FSTL1: variants seen among roughly 807,000 people sequenced by gnomAD.
FSTL1 encodes the protein follistatin like 1.
FSTL1 carries 24 observed loss-of-function variants against 45.9 expected under a neutral mutation model. The ratio of observed to expected loss-of-function variants is 0.52; its 90% CI spans 0.38 to 0.74. FSTL1 has a LOEUF of 0.74. Among genes scored for constraint, FSTL1 ranks in the 30% least tolerant of loss-of-function variants. The pLI, the probability that FSTL1 is intolerant of heterozygous loss-of-function variation, is 0.00. For missense variants in FSTL1, 340 were observed against 381.8 expected, an observed-to-expected ratio of 0.89 and a Z score of 0.91; for synonymous variants, 120 against 137.6, an observed-to-expected ratio of 0.87 and a Z score of 0.89.
At position 120,395,850 on chromosome 3, in the gene FSTL1, C is replaced by A. The variant is rs891680478; in HGVS notation, c.*1102G>T. ...GGGCCAACTCACCCTCCTAGTTAGT[C>A]GAATGAGCATATTGGTAGGCTGGGA... On this transcript the variant is annotated 3_prime_UTR_variant, in exon 11 of 11. Coordinates refer to ENST00000295633, the MANE Select transcript of FSTL1 (RefSeq NM_007085.5). 2.5e-6 allele frequency: 1 copy of A among 404,312 alleles called. No individual in the cohort carries two copies. Among genetic ancestry groups the A allele is most frequent in the South Asian group, 1.9e-5 (1 of 51,822 alleles). The allele number at this position is 404,312 out of a possible 1,614,324, so 25.0% of individuals were successfully genotyped here. A position where few individuals can be genotyped will look rare whatever the true frequency, so the allele number is the denominator to read the frequency against.
intron 6 of FSTL1, among the ~76,000 whole-genome samples, chr3:120,405,734 C>T (rs1018943991): frequency 2.0e-5 from 3 of 152,248 alleles, no homozygotes; most frequent in Non-Finnish European, 4.4e-5. Context: ...AGTAAGCTCA[C>T]ACACTGTTCT....
At chr3:120,433,199 G>GAA (rs1426558998) in intron 2 of FSTL1, among the ~76,000 whole-genome samples, 1 of 152,146 alleles carries the variant, frequency 6.6e-6, no homozygotes, top group African/African-American at 2.4e-5. Flanking sequence ...ATCATGGAAG[G>GAA]AAACAATAAA....
intron 6 of FSTL1, among the ~76,000 whole-genome samples, chr3:120,408,620 T>TG (rs1936991995): frequency 6.6e-6 from 1 of 152,138 alleles, no homozygotes; most frequent in African/African-American, 2.4e-5. Context: ...AGTAGATGGC[T>TG]GGGGCATCTA....
chr3:120,404,587 C>T (rs563812267), intron 7 of FSTL1, among the ~76,000 whole-genome samples: 211 of 152,372 alleles, frequency 1.4e-3, no homozygotes, highest in African/African-American at 5.0e-3. Flanking sequence ...CTTGCTCTGA[C>T]GTGCCCTTGG....
In FSTL1 at chr3:120,395,633, G is replaced by A. The variant is rs1386302567; in HGVS notation, c.*1319C>T. 3.8e-6 allele frequency: 2 copies of A among 531,336 alleles called. No individual in the cohort carries two copies. Among genetic ancestry groups the A allele is most frequent in the South Asian group, 2.8e-5 (2 of 70,896 alleles). 32.9% of individuals were successfully genotyped at this position (531,336 alleles called of 1,614,324 possible). The stretch of plus-strand genomic sequence containing the variant: ...GATCAAATCTGGTCATCTTGTTTTT[G>A]GCCATCTGACATTTCTTGTTCTAGT... On this transcript the variant is annotated 3_prime_UTR_variant, in exon 11 of 11. Transcript: ENST00000295633.
At chr3:120,409,788 T>C (rs138797973) in intron 5 of FSTL1, 126 bp from the exon 6 acceptor site, 14 of 766,802 alleles carry the variant, frequency 1.8e-5, no homozygotes, top group Admixed American at 4.8e-5. Flanking sequence ...CACAGGGAGA[T>C]AGGATTAGCA....
chr3:120,444,606 G>A (rs1426440848), intron 2 of FSTL1, among the ~76,000 whole-genome samples: 4 of 149,498 alleles, frequency 2.7e-5, no homozygotes, highest in Admixed American at 6.6e-5. Context: ...CTTTTTTCGA[G>A]AGGAATTTTC....
chr3:120,409,422 T>C (rs1408828168), intron 6 of FSTL1, 110 bp downstream of exon 6: 1 of 958,126 alleles, frequency 1.0e-6, no homozygotes, highest in Non-Finnish European at 1.6e-6. Flanking sequence ...ACTCAGGGTG[T>C]CTGTGCAGGT....
At chr3:120,423,610 G>A (rs1195770860) in intron 2 of FSTL1, 2 of 152,102 alleles carry the variant, frequency 1.3e-5, no homozygotes, top group Non-Finnish European at 2.9e-5. Flanking sequence ...CGGTACTTGA[G>A]AGAGGTGCTT....
intron 2 of FSTL1, among the ~76,000 whole-genome samples, chr3:120,436,851 G>A (rs956390804): frequency 3.3e-5 from 5 of 152,122 alleles, no homozygotes; most frequent in African/African-American, 1.2e-4. Flanking sequence ...GCGAAGCTGC[G>A]TGCTCCGAGT....
chr3:120,447,863 C>T (rs958758404), intron 2 of FSTL1, among the ~76,000 whole-genome samples: 2 of 152,204 alleles, frequency 1.3e-5, no homozygotes, highest in African/African-American at 4.8e-5. Context: ...GTTGCCCAGG[C>T]TGGTCTCAAA....
intron 3 of FSTL1, among the ~76,000 whole-genome samples, chr3:120,412,838 G>GCA (rs71156798): frequency 0.064 from 6,732 of 105,744 alleles, 243 homozygotes; most frequent in Middle Eastern, 0.1. Context: ...GCGCGCGCGC[G>GCA]CACACACACA....
chr3:120,432,388 A>G (rs1937493347), intron 2 of FSTL1, among the ~76,000 whole-genome samples: 1 of 152,172 alleles, frequency 6.6e-6, no homozygotes, highest in African/African-American at 2.4e-5. Flanking sequence ...CTGGCCAATC[A>G]GGCCTTGGCT....
In FSTL1 at chr3:120,444,885, A is replaced by G. The variant is rs1258150018; in HGVS notation, c.63+5799T>C. On this transcript the variant is annotated intron_variant, in intron 2 of 10. Coordinates refer to ENST00000295633, the MANE Select transcript of FSTL1 (RefSeq NM_007085.5). The stretch of plus-strand genomic sequence containing the variant: ...AATTATAATCATTTGCCGGCGCTTC[A>G]AAATGTTTTTGTAAATGCTTTTGGT... Among the ~76,000 whole-genome samples, 4 of 149,794 alleles carry G rather than the reference A, an allele frequency of 2.7e-5. No homozygotes were observed. The East Asian group carries it at 7.7e-4, about 29-fold the overall frequency.
intron 2 of FSTL1, among the ~76,000 whole-genome samples, chr3:120,420,721 A>G (rs1937261730): frequency 6.6e-6 from 1 of 152,198 alleles, no homozygotes; most frequent in Non-Finnish European, 1.5e-5. Flanking sequence ...TTCTTTTTAG[A>G]TAGGCAGGCA....
chr3:120,409,458 T>C (rs939633596), intron 6 of FSTL1, 74 bp downstream of exon 6: 2 of 1,307,264 alleles, frequency 1.5e-6, no homozygotes, highest in Middle Eastern at 1.9e-4. Context: ...TCTGGGAAGG[T>C]GTGATCGGGC....
At chr3:120,409,806 G>A in intron 5 of FSTL1, 144 bp from the exon 6 acceptor site, 3 of 571,192 alleles carry the variant, frequency 5.3e-6, no homozygotes, top group Non-Finnish European at 5.9e-6. Flanking sequence ...GCACATCCAG[G>A]GTACACAACT....
intron 5 of FSTL1, 174 bp downstream of exon 5, chr3:120,410,778 A>C (rs1323200429): frequency 1.4e-6 from 1 of 715,954 alleles, no homozygotes; most frequent in Non-Finnish European, 2.6e-6. Context: ...AAACACATAC[A>C]CAAATGTAGT....
Position 120,392,454 on chromosome 3 carries a change from G to A in FSTL1, c.*4498C>T, listed in dbSNP as rs1317989531. On this transcript the variant is annotated 3_prime_UTR_variant, in exon 11 of 11. Transcript: ENST00000295633. ...ATGCTCAGTTTATGTACTTTTGGCAGTCATGCATACTGGTGCAACTTCTTT... is the reference window on the plus strand; with the variant it reads ...ATGCTCAGTTTATGTACTTTTGGCAATCATGCATACTGGTGCAACTTCTTT... The A allele has an allele frequency of 2.6e-5, 4 of 152,204 alleles. No individual in the cohort carries two copies. 9.4% of individuals were successfully genotyped at this position (152,204 alleles called of 1,614,324 possible).
Sources: gnomAD v4.1 joint callset for allele counts (sites outside exome capture counted in the v4.1 genomes callset) on GRCh38, gnomAD v4.1.1 for gene constraint, MANE v1.5 for transcripts, NCBI Gene and HGNC (gene_info 2026-07-23, HGNC 2026-07-21) for gene names.